The following VAC14 variants were observed in gnomAD, a reference collection of about 807,000 sequenced individuals.
VAC14 encodes the protein VAC14 component of PIKFYVE complex.
A neutral mutation model predicts 85.3 loss-of-function variants in VAC14; 47 were observed. The observed-to-expected ratio is 0.55, with a 90% CI of 0.44 to 0.70. The LOEUF (loss-of-function observed/expected upper bound fraction) is 0.70, where lower values mean the gene tolerates loss of function less well. Ranked by LOEUF, VAC14 falls within the 30% of genes least tolerant of loss-of-function variation. The pLI is 0.00. For synonymous variants in VAC14, 447 were observed against 430.5 expected (o/e 1.04, Z -0.47); for missense variants, 861 against 1,004.3 (o/e 0.86, Z 1.93).
intron 18 of VAC14, chr16:70,691,208 C>T (rs1190809219): frequency 1.0e-6 from 1 of 985,376 alleles, no homozygotes; most frequent in Non-Finnish European, 1.2e-6. Flanking sequence ...CTCTGCTCCC[C>T]TCCCAAGACG....
intron 9 of VAC14, chr16:70,773,191 T>C (rs1047057904): frequency 2.6e-5 from 4 of 152,198 alleles, no homozygotes; most frequent in African/African-American, 9.6e-5. Context: ...AATTGTACAC[T>C]TGATGTTGGG....
intron 10 of VAC14, 132 bp downstream of exon 10, chr16:70,771,977 T>A: frequency 1.3e-6 from 1 of 752,208 alleles, no homozygotes; most frequent in South Asian, 1.7e-5. Flanking sequence ...AACTCTTTTG[T>A]GTACGAGGGT....
chr16:70,785,671 G>C, intron 3 of VAC14, 31 bp downstream of exon 3: 1 of 1,535,720 alleles, frequency 6.5e-7, no homozygotes, highest in Non-Finnish European at 8.8e-7. Flanking sequence ...ACCAAGCGCA[G>C]CTCAGTGAGG....
chr16:70,706,449 C>T (rs1207082379), intron 14 of VAC14, among the ~76,000 whole-genome samples: 1 of 152,218 alleles, frequency 6.6e-6, no homozygotes, highest in Non-Finnish European at 1.5e-5. Context: ...GGCCAGGCCT[C>T]CTTCCTTCAT....
At chr16:70,759,470 T>C (rs1254263581) in intron 12 of VAC14, among the ~76,000 whole-genome samples, 2 of 151,912 alleles carry the variant, frequency 1.3e-5, no homozygotes, top group East Asian at 1.9e-4. Context: ...CTACTAAAAA[T>C]GCAAAAAGTT....
chr16:70,784,317 G>A (rs1445884403), intron 4 of VAC14, 97 bp from the exon 5 acceptor site: 7 of 942,686 alleles, frequency 7.4e-6, no homozygotes, highest in Non-Finnish European at 9.9e-6. Flanking sequence ...GCGCTCAGGC[G>A]GCCACCAAGG....
chr16:70,738,736 T>C (rs994354938), intron 13 of VAC14, among the ~76,000 whole-genome samples: 3 of 152,154 alleles, frequency 2.0e-5, no homozygotes, highest in African/African-American at 7.2e-5. Flanking sequence ...TTAATAAACT[T>C]TCAAAAATAG....
At chr16:70,750,605 T>C (rs8061335) in intron 12 of VAC14, among the ~76,000 whole-genome samples, 151,831 of 152,192 alleles carry the variant, frequency 1, 75,736 homozygotes, top group Middle Eastern at 1. Flanking sequence ...GAGAGGGCTT[T>C]TTGCCTTCCA....
chr16:70,692,713 G>C, intron 18 of VAC14, 108 bp downstream of exon 18: 1 of 1,455,236 alleles, frequency 6.9e-7, no homozygotes, highest in Non-Finnish European at 9.2e-7. Flanking sequence ...GTGGGATGCT[G>C]AAGTGAGGGA....
At chr16:70,693,727 T>G (rs1016696671) in intron 17 of VAC14, among the ~76,000 whole-genome samples, 12 of 152,338 alleles carry the variant, frequency 7.9e-5, no homozygotes, top group Middle Eastern at 3.4e-3. Flanking sequence ...GGGCTCACTT[T>G]TCTTCTGCGA....
chr16:70,741,777 C>T (rs1473330554), intron 13 of VAC14, among the ~76,000 whole-genome samples: 4 of 152,200 alleles, frequency 2.6e-5, no homozygotes, highest in East Asian at 3.8e-4. Flanking sequence ...CTGACAGCCT[C>T]GGTGAGTTGG....
At chr16:70,743,966 C>T (rs574812909) in intron 13 of VAC14, among the ~76,000 whole-genome samples, 15 of 152,192 alleles carry the variant, frequency 9.9e-5, no homozygotes, top group African/African-American at 3.6e-4. Context: ...CAGAAACAGC[C>T]TGTGTGAATG....
chr16:70,695,514 G>A (rs372452950), intron 17 of VAC14, 30 bp downstream of exon 17: 47 of 1,611,434 alleles, frequency 2.9e-5, no homozygotes, highest in Non-Finnish European at 3.9e-5. Context: ...TGGACTCATG[G>A]CGCGAGGTGT....
rs111575782 is a variant in VAC14 at position 70,705,916 on chromosome 16, C to T, written c.1662-7105G>A. On this transcript the variant is annotated intron_variant, in intron 14 of 18. Coordinates refer to ENST00000261776, the MANE Select transcript of VAC14 (RefSeq NM_018052.5). ...AGGCAAGAGTGTGGGTGATTTTGCTCGGTACCTCCTGTTAGACTAGTTCAC... is the reference window on the plus strand; with the variant it reads ...AGGCAAGAGTGTGGGTGATTTTGCTTGGTACCTCCTGTTAGACTAGTTCAC... Among the ~76,000 whole-genome samples the T allele has an allele frequency of 7.2e-5, 11 of 152,324 alleles. No homozygotes were observed. In the Middle Eastern group the frequency reaches 0.014, roughly 188 times the overall value.
chr16:70,718,930 T>C lies in VAC14; in HGVS notation c.1661+12565A>G, dbSNP rs377202120. On this transcript the variant is annotated intron_variant, in intron 14 of 18. Coordinates refer to ENST00000261776, the MANE Select transcript of VAC14 (RefSeq NM_018052.5). ...TGCAGAGATCTTGCTGACCCTGGTC[T>C]TGGTCTGGATACAGAGGCCAGTGAA... Among the ~76,000 whole-genome samples, 192 of 152,340 alleles carry C rather than the reference T, an allele frequency of 1.3e-3. 1 individual carries two copies. The highest frequency in any genetic ancestry group is 4.4e-3 in the African/African-American group (184 of 41,588).
chr16:70,714,896 G>T (rs879653769), intron 14 of VAC14: 1 of 152,258 alleles, frequency 6.6e-6, no homozygotes, highest in Non-Finnish European at 1.5e-5. Context: ...ACAAGTGAGG[G>T]TCTCACCACC....
At chr16:70,793,581 C>A (rs975551217) in intron 1 of VAC14, among the ~76,000 whole-genome samples, 4 of 152,184 alleles carry the variant, frequency 2.6e-5, no homozygotes, top group Non-Finnish European at 5.9e-5. Flanking sequence ...GTGTGCCAGG[C>A]ACATGATTTC....
chr16:70,795,199 G>A (rs2034492286), intron 1 of VAC14, among the ~76,000 whole-genome samples: 1 of 152,166 alleles, frequency 6.6e-6, no homozygotes, highest in Admixed American at 6.5e-5. Context: ...GGGCGCAGTG[G>A]CTCATGCCTG....
At chr16:70,798,674 A>C (rs2034646271) in intron 1 of VAC14, among the ~76,000 whole-genome samples, 1 of 152,210 alleles carries the variant, frequency 6.6e-6, no homozygotes, top group Admixed American at 6.5e-5. Context: ...GTGCACACAA[A>C]TCACCCAGGG....
Sources: gnomAD v4.1 joint callset for allele counts (sites outside exome capture counted in the v4.1 genomes callset) on GRCh38, gnomAD v4.1.1 for gene constraint, MANE v1.5 for transcripts, NCBI Gene and HGNC (gene_info 2026-07-23, HGNC 2026-07-21) for gene names.